The following EYA4 variants were observed in gnomAD, a reference collection of about 807,000 sequenced individuals.
The protein encoded by EYA4 is EYA transcriptional coactivator and phosphatase 4, also known as protein phosphatase EYA4.
A neutral mutation model predicts 87.9 loss-of-function variants in EYA4; 31 were observed. That is an observed-to-expected ratio of 0.35 (90% CI 0.27 to 0.48). The LOEUF (loss-of-function observed/expected upper bound fraction) is 0.48. Ranked by LOEUF, EYA4 falls within the 20% of genes least tolerant of loss-of-function variation. The probability of loss-of-function intolerance (pLI) is 0.99; values close to 1 mark genes in which losing one functional copy is unlikely to be tolerated. For synonymous variants in EYA4, 263 were observed against 270.6 expected (o/e 0.97, Z 0.28); for missense variants, 678 against 761.4 (o/e 0.89, Z 1.29).
chr6:133,400,459 G>C (rs1349611174), intron 3 of EYA4, among the ~76,000 whole-genome samples: 1 of 151,382 alleles, frequency 6.6e-6, no homozygotes, highest in Non-Finnish European at 1.5e-5. Flanking sequence ...AGTGAGCTGA[G>C]ATTGCACCAC....
intron 11 of EYA4, among the ~76,000 whole-genome samples, chr6:133,470,133 GC>G (rs1562459524): frequency 6.7e-6 from 1 of 149,702 alleles, no homozygotes; most frequent in African/African-American, 2.5e-5. Context: ...TGTTGCCATT[GC>G]TTTTGGTGTT....
intron 3 of EYA4, among the ~76,000 whole-genome samples, 167 bp from the exon 4 acceptor site, chr6:133,446,463 G>A (rs1792856173): frequency 6.6e-6 from 1 of 152,072 alleles, no homozygotes; most frequent in Non-Finnish European, 1.5e-5. Context: ...GCATTTGTTT[G>A]TATGTTTGTT....
chr6:133,251,644 A>G (rs1392967809), intron 1 of EYA4, among the ~76,000 whole-genome samples: 1 of 152,094 alleles, frequency 6.6e-6, no homozygotes. Flanking sequence ...GGGCTGGATA[A>G]TTTATTCAGG....
intron 19 of EYA4, among the ~76,000 whole-genome samples, chr6:133,526,697 G>C (rs1392898311): frequency 1.3e-5 from 2 of 152,190 alleles, no homozygotes; most frequent in East Asian, 3.9e-4. Context: ...CAAGAAATAC[G>C]GCTTTCATTG....
At chr6:133,321,325 C>T (rs1279315169) in intron 2 of EYA4, among the ~76,000 whole-genome samples, 1 of 152,104 alleles carries the variant, frequency 6.6e-6, no homozygotes, top group Non-Finnish European at 1.5e-5. Flanking sequence ...TTTTATATCT[C>T]CAAATAGGGT....
intron 6 of EYA4, among the ~76,000 whole-genome samples, chr6:133,457,179 G>A (rs1335380908): frequency 6.6e-6 from 1 of 152,132 alleles, no homozygotes; most frequent in Non-Finnish European, 1.5e-5. Context: ...CCCAGCCTCT[G>A]AGAGCGCTCG....
intron 2 of EYA4, among the ~76,000 whole-genome samples, chr6:133,341,938 A>T (rs974478122): frequency 6.6e-6 from 1 of 152,178 alleles, no homozygotes; most frequent in African/African-American, 2.4e-5. Context: ...ATGTCTTCTC[A>T]TGGTCAAATT....
At chr6:133,292,470 T>A (rs1778564576) in intron 2 of EYA4, among the ~76,000 whole-genome samples, 1 of 152,222 alleles carries the variant, frequency 6.6e-6, no homozygotes, top group South Asian at 2.1e-4. Flanking sequence ...ATTAAGGGAA[T>A]TAATTGAAGG....
intron 1 of EYA4, among the ~76,000 whole-genome samples, chr6:133,244,460 A>G (rs921010864): frequency 6.6e-6 from 1 of 152,072 alleles, no homozygotes; most frequent in Non-Finnish European, 1.5e-5. Context: ...ATAAAAAGGA[A>G]TAATAATTAT....
At chr6:133,261,920 C>T (rs1384437949) in intron 1 of EYA4, among the ~76,000 whole-genome samples, 1 of 152,100 alleles carries the variant, frequency 6.6e-6, no homozygotes, top group Non-Finnish European at 1.5e-5. Flanking sequence ...TGGATGAAGA[C>T]AGTGATATTT....
chr6:133,397,987 G>A (rs1787945417), intron 3 of EYA4, among the ~76,000 whole-genome samples: 1 of 152,104 alleles, frequency 6.6e-6, no homozygotes, highest in Non-Finnish European at 1.5e-5. Context: ...ATATCACCAT[G>A]TTTCTTACAG....
intron 3 of EYA4, among the ~76,000 whole-genome samples, chr6:133,401,249 T>TAGGA: frequency 6.6e-6 from 1 of 151,866 alleles, no homozygotes; most frequent in East Asian, 1.9e-4. Context: ...CCAGGAAGGG[T>TAGGA]AGGAAGGAAG....
At chr6:133,469,798 A>C (rs1338108714) in intron 11 of EYA4, among the ~76,000 whole-genome samples, 1 of 152,064 alleles carries the variant, frequency 6.6e-6, no homozygotes, top group Non-Finnish European at 1.5e-5. Context: ...TTTTATAGAT[A>C]TGACATTAAA....
At chr6:133,429,951 G>A (rs957487351) in intron 3 of EYA4, among the ~76,000 whole-genome samples, 3 of 152,202 alleles carry the variant, frequency 2.0e-5, no homozygotes, top group African/African-American at 7.2e-5. Context: ...GGTTTAGGGT[G>A]TGAATGATCC....
intron 11 of EYA4, among the ~76,000 whole-genome samples, chr6:133,472,730 A>C (rs1177373391): frequency 1.0e-5 from 1 of 98,522 alleles, no homozygotes; most frequent in African/African-American, 4.1e-5. Context: ...TGGGAGTCTA[A>C]GTCTCTTTGT....
Position 133,394,463 on chromosome 6 carries a change from T to C in EYA4, c.83+12022T>C, listed in dbSNP as rs372645258. 5.9e-5 allele frequency among the ~76,000 whole-genome samples: 9 copies of C among 152,128 alleles called. 1 individual carries two copies. Among genetic ancestry groups the C allele is most frequent in the East Asian group, 3.9e-4 (2 of 5,176 alleles). ...CCTTTATAAGCTTGTATTTAAAAAA[T>C]ACTTTTGCTTTAGTTATAATTAATT... On this transcript the variant is annotated intron_variant, in intron 3 of 19. Transcript: ENST00000355286.
At chr6:133,385,171 C>A (rs1001962688) in intron 3 of EYA4, among the ~76,000 whole-genome samples, 1 of 151,318 alleles carries the variant, frequency 6.6e-6, no homozygotes, top group African/African-American at 2.4e-5. Context: ...TGGTGGCAGG[C>A]GCCTGTAGTC....
At chr6:133,486,381 G>A (rs543058049) in intron 13 of EYA4, among the ~76,000 whole-genome samples, 53 of 152,024 alleles carry the variant, frequency 3.5e-4, no homozygotes, top group Middle Eastern at 3.4e-3. Context: ...CAGGGTTCAC[G>A]GCAGATGGGA....
intron 2 of EYA4, among the ~76,000 whole-genome samples, chr6:133,299,507 C>T (rs1779197949): frequency 1.3e-5 from 2 of 151,628 alleles, no homozygotes; most frequent in South Asian, 2.1e-4. Context: ...GTCAGGAGAT[C>T]GAGACCATCC....
Sources: allele counts gnomAD v4.1 joint callset (sites outside exome capture counted in the v4.1 genomes callset), GRCh38; gene constraint gnomAD v4.1.1; transcripts MANE v1.5; gene names NCBI Gene and HGNC (gene_info 2026-07-23, HGNC 2026-07-21).